Variants in KCNH8 observed in about 807,000 individuals in gnomAD.
KCNH8 encodes voltage-gated delayed rectifier potassium channel KCNH8.
Under a neutral mutation model 103.6 loss-of-function variants are expected in KCNH8, and 70 were observed. The ratio of observed to expected loss-of-function variants is 0.68; its 90% CI spans 0.56 to 0.82. KCNH8 has a LOEUF of 0.82. Ranked by LOEUF, KCNH8 falls within the 40% of genes least tolerant of loss-of-function variation. The pLI, the probability that KCNH8 is intolerant of heterozygous loss-of-function variation, is 0.00. For synonymous variants in KCNH8, 498 were observed against 489.4 expected (o/e 1.02, Z -0.23); for missense variants, 1,217 against 1,329.9 (o/e 0.92, Z 1.32).
chr3:19,419,695 A>G (rs965729071), intron 7 of KCNH8, among the ~76,000 whole-genome samples: 5 of 151,964 alleles, frequency 3.3e-5, no homozygotes, highest in Non-Finnish European at 5.9e-5. Context: ...TTCAAGATAG[A>G]AAATATTTAC....
At chr3:19,268,202 A>T (rs1003530926) in intron 2 of KCNH8, among the ~76,000 whole-genome samples, 1 of 152,134 alleles carries the variant, frequency 6.6e-6, no homozygotes. Context: ...TCACACAAAC[A>T]TATTAGGAAG....
At chr3:19,311,386 A>G (rs968795970) in intron 3 of KCNH8, among the ~76,000 whole-genome samples, 6 of 151,850 alleles carry the variant, frequency 4.0e-5, no homozygotes, top group South Asian at 2.1e-4. Context: ...TGGAGTGACA[A>G]CTTGAACCTG....
chr3:19,497,375 G>T (rs542974881), intron 11 of KCNH8, among the ~76,000 whole-genome samples: 1 of 152,162 alleles, frequency 6.6e-6, no homozygotes, highest in South Asian at 2.1e-4. Flanking sequence ...TTTTGATGTG[G>T]GTGTTTAGTG....
chr3:19,229,888 C>A (rs1316911544), intron 1 of KCNH8, among the ~76,000 whole-genome samples: 14 of 152,258 alleles, frequency 9.2e-5, no homozygotes, highest in Admixed American at 7.8e-4. Flanking sequence ...CAGCAATGCC[C>A]CACTCTACTG....
chr3:19,247,620 A>G (rs2064222927), intron 1 of KCNH8, among the ~76,000 whole-genome samples: 1 of 152,244 alleles, frequency 6.6e-6, no homozygotes, highest in African/African-American at 2.4e-5. Flanking sequence ...AGCATATGTT[A>G]CTATGAGTAC....
chr3:19,503,716 G>A lies in KCNH8; in HGVS notation c.2041-6647G>A, dbSNP rs566531818. ...CACCGCATATTCTCACTCATAGGTG[G>A]GAATTGAACAATGAGAACACATGGA... On this transcript the variant is annotated intron_variant, in intron 11 of 15. Transcript: ENST00000328405. Among the ~76,000 whole-genome samples the A allele has an allele frequency of 6.7e-5, 10 of 149,632 alleles. No homozygotes were observed. The East Asian group carries it at 2.0e-3, about 30-fold the overall frequency.
chr3:19,357,016 CA>C (rs2065889352), intron 5 of KCNH8, among the ~76,000 whole-genome samples: 1 of 151,606 alleles, frequency 6.6e-6, no homozygotes, highest in South Asian at 2.1e-4. Flanking sequence ...TAAAAAAAAG[CA>C]ATTTTTTGTA....
intron 1 of KCNH8, among the ~76,000 whole-genome samples, chr3:19,206,168 G>GTGTGTATATATA (rs979868166): frequency 1.4e-5 from 2 of 139,262 alleles, no homozygotes; most frequent in African/African-American, 5.7e-5. Flanking sequence ...TGGTGTGTGT[G>GTGTGTATATATA]TATATATATA....
In KCNH8 at chr3:19,428,716, C is replaced by T. The variant is rs529603477; in HGVS notation, c.1178-9448C>T. On this transcript the variant is annotated intron_variant, in intron 7 of 15. Transcript: ENST00000328405. ...GACAGAAAAAGAATAAGTAAACTTA[C>T]ATTACATAACCACTAAGAGGCAGAA... 2.6e-4 allele frequency among the ~76,000 whole-genome samples: 39 copies of T among 152,258 alleles called. 3 individuals are homozygous for T. The highest frequency in any genetic ancestry group is 2.5e-3 in the South Asian group (12 of 4,822).
chr3:19,292,783 A>G (rs1343705129), intron 3 of KCNH8, among the ~76,000 whole-genome samples: 4 of 152,168 alleles, frequency 2.6e-5, no homozygotes, highest in Non-Finnish European at 5.9e-5. Flanking sequence ...TCTGTGGTGC[A>G]GACAATAAAA....
chr3:19,424,128 A>G (rs1305063456), intron 7 of KCNH8, among the ~76,000 whole-genome samples: 1 of 152,148 alleles, frequency 6.6e-6, no homozygotes, highest in African/African-American at 2.4e-5. Flanking sequence ...TTCATATGGA[A>G]CCAAAAAGTT....
intron 11 of KCNH8, among the ~76,000 whole-genome samples, chr3:19,495,711 TA>T (rs200206424): frequency 2.7e-4 from 41 of 151,498 alleles, no homozygotes; most frequent in African/African-American, 5.8e-4. Flanking sequence ...TGTACAAATT[TA>T]AATTTTTTTT....
intron 1 of KCNH8, among the ~76,000 whole-genome samples, chr3:19,189,337 A>G (rs1034529920): frequency 6.6e-6 from 1 of 152,034 alleles, no homozygotes; most frequent in African/African-American, 2.4e-5. Flanking sequence ...AAATTAGTAT[A>G]CTGTGATCTC....
intron 2 of KCNH8, among the ~76,000 whole-genome samples, chr3:19,260,527 TATATATAG>T (rs1559447808): frequency 7.2e-5 from 9 of 125,468 alleles, no homozygotes; most frequent in South Asian, 2.5e-4. Context: ...TATATATATA[TATATATAG>T]TAAAATGGTT....
At chr3:19,206,940 G>A (rs2063722855) in intron 1 of KCNH8, among the ~76,000 whole-genome samples, 1 of 152,064 alleles carries the variant, frequency 6.6e-6, no homozygotes, top group African/African-American at 2.4e-5. Context: ...AGGGAGACTG[G>A]AGGAAATCAC....
intron 1 of KCNH8, among the ~76,000 whole-genome samples, chr3:19,224,147 T>A (rs1277301891): frequency 1.3e-5 from 2 of 151,078 alleles, no homozygotes; most frequent in East Asian, 3.9e-4. Context: ...CAAAGTAAAG[T>A]TTTTTTTTCT....
chr3:19,476,653 G>A (rs887511264), intron 11 of KCNH8, among the ~76,000 whole-genome samples: 9 of 152,128 alleles, frequency 5.9e-5, no homozygotes, highest in African/African-American at 1.9e-4. Flanking sequence ...TTGATTTGGG[G>A]CATAGCTTCT....
intron 1 of KCNH8, among the ~76,000 whole-genome samples, chr3:19,222,712 C>T (rs956621400): frequency 5.3e-5 from 8 of 151,864 alleles, no homozygotes; most frequent in African/African-American, 1.9e-4. Flanking sequence ...CTAGTGTAAG[C>T]CAGTTGTAGA....
intron 7 of KCNH8, among the ~76,000 whole-genome samples, chr3:19,425,411 T>C (rs2067014113): frequency 6.6e-6 from 1 of 152,220 alleles, no homozygotes. Context: ...GACTGCAAGA[T>C]AATAAAGACC....
Sources: allele counts gnomAD v4.1 joint callset (sites outside exome capture counted in the v4.1 genomes callset), GRCh38; gene constraint gnomAD v4.1.1; transcripts MANE v1.5; gene names NCBI Gene and HGNC (gene_info 2026-07-23, HGNC 2026-07-21).